Variants in TAAR2 observed in about 807,000 individuals in gnomAD.
TAAR2 encodes the protein trace amine-associated receptor 2.
TAAR2 carries 30 observed loss-of-function variants against 25.5 expected under a neutral mutation model. The observed-to-expected ratio is 1.18, with a 90% confidence interval of 0.88 to 1.60. The LOEUF (loss-of-function observed/expected upper bound fraction) is 1.60, where lower values mean the gene tolerates loss of function less well. TAAR2 is among the 40% of genes most tolerant of loss of function. TAAR2 has a pLI of 0.00. For missense variants in TAAR2, 481 were observed against 416.5 expected, an observed-to-expected ratio of 1.15 and a Z score of -1.35; for synonymous variants, 150 against 142.4, an observed-to-expected ratio of 1.05 and a Z score of -0.38.
chr6:132,620,050 C>T (rs1343563743), intron 1 of TAAR2, among the ~76,000 whole-genome samples: 1 of 152,152 alleles, frequency 6.6e-6, no homozygotes, highest in Non-Finnish European at 1.5e-5. Flanking sequence ...GTGTTCTTAG[C>T]CAGCATTAGT....
chr6:132,618,370 T>C (rs1011924545), intron 1 of TAAR2, among the ~76,000 whole-genome samples: 10 of 152,178 alleles, frequency 6.6e-5, no homozygotes, highest in African/African-American at 2.4e-4. Context: ...CCAGGTGCGG[T>C]GGCTCACGCC....
chr6:132,622,478 CTTTTTTTT>C lies in TAAR2; in HGVS notation c.60+1730_60+1737del, dbSNP rs1156767001. On this transcript the variant is annotated intron_variant, in intron 1 of 1. Coordinates refer to ENST00000367931, the MANE Select transcript of TAAR2 (RefSeq NM_001033080.1). ...AAATATTCCTCTGCTTTAGTAACCA[CTTTTTTTT>C]TTTTTTTTTTTTTTTTTGAGGCGGA... 5.2e-5 allele frequency among the ~76,000 whole-genome samples: 3 copies of C among 57,398 alleles called. No homozygotes were observed. In the South Asian group the frequency reaches 2.2e-3, roughly 42 times the overall value. 37.7% of individuals were successfully genotyped at this position (57,398 alleles called of 152,430 possible).
chr6:132,620,622 A>G (rs575987193), intron 1 of TAAR2, among the ~76,000 whole-genome samples: 2 of 152,264 alleles, frequency 1.3e-5, no homozygotes, highest in South Asian at 4.1e-4. Context: ...ACTTGGGGCC[A>G]GAGCGGGGAG....
rs1172224465 is a variant in TAAR2 at position 132,617,928 on chromosome 6, C to T, written c.278G>A (p.Gly93Glu). ...LSMAITDFLL[G>E]FTIMPYSMIR... ...CATACTATATGGCATGATGGTGAAT[C>T]CCAGGAGGAAATCAGTGATGGCCAT... The change falls in exon 2 of 2, where the codon GGA becomes GAA. Residue 93 changes from glycine to glutamate, a missense_variant. Coordinates refer to ENST00000367931, the MANE Select transcript of TAAR2 (RefSeq NM_001033080.1). 6.2e-7 allele frequency: 1 copy of T among 1,613,916 alleles called. No individual in the cohort carries two copies. The highest frequency in any genetic ancestry group is 8.5e-7 in the Non-Finnish European group (1 of 1,179,940).
At chr6:132,618,388 C>T (rs985775330) in intron 1 of TAAR2, among the ~76,000 whole-genome samples, 36 of 152,038 alleles carry the variant, frequency 2.4e-4, no homozygotes, top group African/African-American at 8.5e-4. Context: ...GCCTGTAATC[C>T]CAGCACTTTA....
rs368292716 is a variant in TAAR2 at position 132,617,477 on chromosome 6, G to C, written c.729C>G (p.Ile243Met). 57 of 1,613,778 alleles carry C rather than the reference G, an allele frequency of 3.5e-5. No individual in the cohort carries two copies. The African/African-American group carries it at 6.8e-4, about 19-fold the overall frequency. ...TATTTTGATTTTCTCGCAAGTTATT[G>C]ATGGCATGAGCATGTTTTCTGGATA... ...FAVSRKHAHA[I>M]NNLRENQNNQ... Residue 243 changes from isoleucine to methionine, a missense_variant, in exon 2 of 2, where the codon ATC (isoleucine) becomes ATG (methionine). Ile to Met is a conservative substitution (Grantham distance 10). Transcript: ENST00000367931.
chr6:132,623,896 G>T (rs952675258), intron 1 of TAAR2, among the ~76,000 whole-genome samples: 3 of 151,872 alleles, frequency 2.0e-5, no homozygotes, highest in African/African-American at 7.3e-5. Context: ...GTTATGGGGG[G>T]ACCTAAGGAG....
In TAAR2 at chr6:132,624,241, T is replaced by G. The variant is rs534068630; in HGVS notation, c.35A>C (p.His12Pro). 1.2e-6 allele frequency: 2 copies of G among 1,613,522 alleles called. No homozygotes were observed. The highest frequency in any genetic ancestry group is 1.3e-5 in the African/African-American group (1 of 75,006). ...AVSSEQHELS[H>P]FKRTQTKKEK... ...CTTTTTTGTCTGTGTTCTTTTGAAATGTGAAAGTTCATGTTGCTCTGATGA... is the reference window on the plus strand; with the variant it reads ...CTTTTTTGTCTGTGTTCTTTTGAAAGGTGAAAGTTCATGTTGCTCTGATGA... Residue 12 changes from histidine to proline, a missense_variant, in exon 1 of 2, where the codon CAT (histidine) becomes CCT (proline). His to Pro is a moderately conservative substitution (Grantham distance 77). Transcript: ENST00000367931.
rs144476223 is a variant in TAAR2, at chr6:132,617,747, G to T, written c.459C>A (p.Thr153=). The T allele has an allele frequency of 1.2e-6, 2 of 1,613,972 alleles. No individual in the cohort carries two copies. Among genetic ancestry groups the T allele is most frequent in the Non-Finnish European group, 1.7e-6 (2 of 1,179,998 alleles). ...TTTTAATGACTGGAATAGTTATTTT[G>T]GTGGAATAAAGTAATGGGTAACATA... The part of the protein sequence containing the change: ...YAICYPLLYS[T]KITIPVIKRL... The change falls in exon 2 of 2, where the codon ACC becomes ACA. Residue 153 remains threonine, a synonymous_variant. Transcript: ENST00000367931.
Position 132,617,186 on chromosome 6 carries a change from A to G in TAAR2, c.1020T>C (p.His340=). The G allele has an allele frequency of 6.2e-7, 1 of 1,601,792 alleles. No homozygotes were observed. Among genetic ancestry groups the G allele is most frequent in the Non-Finnish European group, 8.5e-7 (1 of 1,177,100 alleles). Residue 340 remains histidine (H), a synonymous_variant, in exon 2 of 2, where the codon CAT becomes CAC. Coordinates refer to ENST00000367931, the MANE Select transcript of TAAR2 (RefSeq NM_001033080.1). ...LLGKIFSSCF[H]NTILCMQKES... ...CTTTTTGCATACACAAAATAGTATTATGGAAACATGAGCTGAAAATTTTAC... is the reference window on the plus strand; with the variant it reads ...CTTTTTGCATACACAAAATAGTATTGTGGAAACATGAGCTGAAAATTTTAC...
intron 1 of TAAR2, among the ~76,000 whole-genome samples, chr6:132,621,167 AAAC>A (rs1387233236): frequency 1.3e-5 from 2 of 152,154 alleles, no homozygotes; most frequent in East Asian, 1.9e-4. Context: ...AAAAAAAAAA[AAAC>A]AACAACAAAT....
chr6:132,620,059 G>A (rs746057026), intron 1 of TAAR2, among the ~76,000 whole-genome samples: 1 of 152,194 alleles, frequency 6.6e-6, no homozygotes, highest in Non-Finnish European at 1.5e-5. Flanking sequence ...GCCAGCATTA[G>A]TCAAAAGAGA....
chr6:132,617,580 C>T lies in TAAR2; in HGVS notation c.626G>A (p.Trp209Ter), dbSNP rs1260215884. 1 of 1,614,038 alleles carries T rather than the reference C, an allele frequency of 6.2e-7. No individual in the cohort carries two copies. Among genetic ancestry groups the T allele is most frequent in the Middle Eastern group, 1.7e-4 (1 of 6,058 alleles). The change falls in exon 2 of 2, where the codon TGG becomes TAG. Residue 209 changes from tryptophan to a stop codon, truncating the protein, a stop_gained. Coordinates refer to ENST00000367931, the MANE Select transcript of TAAR2 (RefSeq NM_001033080.1). LOFTEE classifies it high-confidence loss of function. ...SSCPVMFNKLWGTTLFMAGFF... is the reference protein window; with the variant it reads ...SSCPVMFNKL The stretch of plus-strand genomic sequence containing the variant: ...ACCTGCCATAAACAAGGTGGTCCCC[C>T]ATAGCTTGTTGAACATCACTGGGCA...
intron 1 of TAAR2, among the ~76,000 whole-genome samples, chr6:132,620,488 A>G (rs1777357544): frequency 1.3e-5 from 2 of 152,236 alleles, no homozygotes; most frequent in African/African-American, 2.4e-5. Context: ...TTCTTAAACT[A>G]TATTCATTTT....
intron 1 of TAAR2, among the ~76,000 whole-genome samples, chr6:132,618,687 C>T (rs950978601): frequency 3.3e-5 from 5 of 151,938 alleles, no homozygotes; most frequent in African/African-American, 4.8e-5. Context: ...CTCTATACTA[C>T]CAACATTTAG....
At position 132,624,254 on chromosome 6, in the gene TAAR2, G is replaced by A. The variant is rs150407023; in HGVS notation, c.22C>T (p.His8Tyr). The change falls in exon 1 of 2, where the codon CAT becomes TAT. Residue 8 changes from histidine to tyrosine, a missense_variant. His to Tyr is a moderately conservative substitution (Grantham distance 83). Transcript: ENST00000367931. The stretch of plus-strand genomic sequence containing the variant: ...GTTCTTTTGAAATGTGAAAGTTCAT[G>A]TTGCTCTGATGAGACAGCCATGGGA... Reference protein sequence around the residue: MAVSSEQHELSHFKRTQT... With the variant: MAVSSEQYELSHFKRTQT... 6.2e-7 allele frequency: 1 copy of A among 1,613,406 alleles called. No homozygotes were observed. The highest frequency in any genetic ancestry group is 1.1e-5 in the South Asian group (1 of 91,076).
chr6:132,619,642 G>C (rs1412120801), intron 1 of TAAR2, among the ~76,000 whole-genome samples: 2 of 152,186 alleles, frequency 1.3e-5, no homozygotes, highest in African/African-American at 4.8e-5. Flanking sequence ...TGCAGCTGAA[G>C]AGACAAAGCA....
At position 132,617,997 on chromosome 6, in the gene TAAR2, T is replaced by C; in HGVS notation, c.209A>G (p.Tyr70Cys). 6.2e-7 allele frequency: 1 copy of C among 1,614,006 alleles called. No individual in the cohort carries two copies. The highest frequency in any genetic ancestry group is 1.3e-5 in the African/African-American group (1 of 75,040). ...GGTTGGTGTGTGAAGCTGCTTGAAGTAGGAAATGGAAATTATCATGGCAAG... is the reference window on the plus strand; with the variant it reads ...GGTTGGTGTGTGAAGCTGCTTGAAGCAGGAAATGGAAATTATCATGGCAAG... ...GNLAMIISISYFKQLHTPTNF... is the reference protein window; with the variant it reads ...GNLAMIISISCFKQLHTPTNF... The change falls in exon 2 of 2, where the codon TAC (tyrosine) becomes TGC (cysteine). Residue 70 changes from tyrosine to cysteine, a missense_variant. Tyr to Cys is a radical substitution (Grantham distance 194, BLOSUM62 -2). Coordinates refer to ENST00000367931, the MANE Select transcript of TAAR2 (RefSeq NM_001033080.1).
chr6:132,617,459 A>C lies in TAAR2; in HGVS notation c.747T>G (p.Asn249Lys). ...HAHAINNLRE[N>K]QNNQVKKDKK... ...TGTCTTTCTTCACTTGATTATTTTG[A>C]TTTTCTCGCAAGTTATTGATGGCAT... The change falls in exon 2 of 2, where the codon AAT becomes AAG. Residue 249 changes from asparagine (N) to lysine (K), a missense_variant. By Grantham distance (94) the Asn-to-Lys change is moderately conservative. Coordinates refer to ENST00000367931, the MANE Select transcript of TAAR2 (RefSeq NM_001033080.1). 6.2e-7 allele frequency: 1 copy of C among 1,613,678 alleles called. No individual in the cohort carries two copies.
Sources: allele counts gnomAD v4.1 joint callset (sites outside exome capture counted in the v4.1 genomes callset), GRCh38; gene constraint gnomAD v4.1.1; transcripts MANE v1.5; gene names NCBI Gene and HGNC (gene_info 2026-07-23, HGNC 2026-07-21).